The following CDH19 variants were observed in gnomAD, a reference collection of about 807,000 sequenced individuals.
CDH19 encodes cadherin-19.
CDH19 carries 67 observed loss-of-function variants against 64.2 expected under a neutral mutation model. The ratio of observed to expected loss-of-function variants is 1.04; its 90% confidence interval spans 0.86 to 1.28. CDH19 has a LOEUF of 1.28. Ranked by LOEUF, CDH19 falls within the 50% of genes most tolerant of loss-of-function variation. The probability of loss-of-function intolerance (pLI) is 0.00; values close to 1 mark genes in which losing one functional copy is unlikely to be tolerated. For synonymous variants in CDH19, 346 were observed against 319.3 expected (o/e 1.08, Z -0.89); for missense variants, 1,030 against 929.0 (o/e 1.11, Z -1.41).
chr18:66,545,535 A>C (rs540773270), intron 5 of CDH19, among the ~76,000 whole-genome samples: 55 of 152,186 alleles, frequency 3.6e-4, no homozygotes, highest in African/African-American at 1.3e-3. Context: ...ATATCTTAGG[A>C]AAGTCTATCA....
At chr18:66,562,952 T>G (rs1191928293) in intron 3 of CDH19, among the ~76,000 whole-genome samples, 2 of 152,032 alleles carry the variant, frequency 1.3e-5, no homozygotes, top group Non-Finnish European at 2.9e-5. Flanking sequence ...TTATGTAAAT[T>G]TTATTATTAA....
At chr18:66,547,680 T>TC (rs1987172648) in intron 5 of CDH19, among the ~76,000 whole-genome samples, 1 of 141,070 alleles carries the variant, frequency 7.1e-6, no homozygotes, top group South Asian at 2.3e-4. Context: ...TTTTTTTTTT[T>TC]TTTTTGAGAC....
At chr18:66,579,136 G>A (rs549571108) in intron 1 of CDH19, among the ~76,000 whole-genome samples, 1 of 151,998 alleles carries the variant, frequency 6.6e-6, no homozygotes, top group Admixed American at 6.6e-5. Context: ...AGATTATTGT[G>A]CCAATTATAC....
chr18:66,505,365 T>G, intron 11 of CDH19, 63 bp from the exon 12 acceptor site: 1 of 1,237,300 alleles, frequency 8.1e-7, no homozygotes. Context: ...CATTACAGTC[T>G]TTGCTCTCAT....
intron 1 of CDH19, among the ~76,000 whole-genome samples, chr18:66,585,523 G>T (rs929637422): frequency 2.0e-5 from 3 of 152,004 alleles, no homozygotes; most frequent in African/African-American, 7.2e-5. Flanking sequence ...GCCTCTCAAG[G>T]TCTGTGTTCT....
intron 1 of CDH19, among the ~76,000 whole-genome samples, chr18:66,598,427 T>C (rs996149883): frequency 7.2e-5 from 11 of 152,064 alleles, no homozygotes; most frequent in African/African-American, 2.7e-4. Context: ...AGGAAAGACA[T>C]GGAATCAACC....
At chr18:66,508,035 A>G (rs1985287630) in intron 11 of CDH19, among the ~76,000 whole-genome samples, 1 of 151,904 alleles carries the variant, frequency 6.6e-6, no homozygotes, top group Non-Finnish European at 1.5e-5. Context: ...AAAATGTGGT[A>G]TACAGACAGA....
At chr18:66,581,844 C>T (rs563467047) in intron 1 of CDH19, among the ~76,000 whole-genome samples, 1 of 152,010 alleles carries the variant, frequency 6.6e-6, no homozygotes, top group African/African-American at 2.4e-5. Context: ...CTAATAAACT[C>T]CCTTTCATAT....
At chr18:66,505,558 TTA>T (rs1985155148) in intron 11 of CDH19, among the ~76,000 whole-genome samples, 2 of 135,136 alleles carry the variant, frequency 1.5e-5, no homozygotes, top group African/African-American at 5.2e-5. Context: ...AATATATATA[TTA>T]ATATATATAT....
At chr18:66,576,271 ACT>A (rs1355989395) in intron 1 of CDH19, among the ~76,000 whole-genome samples, 1 of 151,446 alleles carries the variant, frequency 6.6e-6, no homozygotes, top group Non-Finnish European at 1.5e-5. Context: ...TTTTAAAAAG[ACT>A]CAACTATATG....
intron 5 of CDH19, among the ~76,000 whole-genome samples, chr18:66,548,444 C>T (rs1208715995): frequency 2.6e-5 from 4 of 151,322 alleles, no homozygotes; most frequent in Non-Finnish European, 4.4e-5. Context: ...GGAAGAAAGA[C>T]GAGATCAAAG....
intron 7 of CDH19, among the ~76,000 whole-genome samples, chr18:66,539,211 C>T (rs1411534005): frequency 6.6e-6 from 1 of 152,094 alleles, no homozygotes; most frequent in Non-Finnish European, 1.5e-5. Context: ...ATAATCAAGT[C>T]ATCTGCAAAT....
intron 1 of CDH19, among the ~76,000 whole-genome samples, chr18:66,578,912 A>T (rs75655998): frequency 6.6e-6 from 1 of 151,926 alleles, no homozygotes; most frequent in African/African-American, 2.4e-5. Flanking sequence ...TTCCTTTTGC[A>T]TCTAATTTTA....
intron 8 of CDH19, 86 bp from the exon 9 acceptor site, chr18:66,530,052 C>A: frequency 1.7e-6 from 1 of 577,464 alleles, no homozygotes. Context: ...TTAGAGGCTA[C>A]GTGGTGTATT....
intron 1 of CDH19, among the ~76,000 whole-genome samples, chr18:66,575,417 T>C (rs1158163482): frequency 6.6e-6 from 1 of 151,798 alleles, no homozygotes; most frequent in East Asian, 1.9e-4. Context: ...AATGCAAATA[T>C]GAGAAGAGCA....
chr18:66,514,856 C>T (rs538845755), intron 9 of CDH19, among the ~76,000 whole-genome samples: 3 of 151,678 alleles, frequency 2.0e-5, no homozygotes, highest in South Asian at 4.1e-4. Context: ...TCTTATTAAA[C>T]ATGCAATTGA....
chr18:66,540,897 A>G (rs1424889783), intron 7 of CDH19, among the ~76,000 whole-genome samples: 1 of 152,152 alleles, frequency 6.6e-6, no homozygotes, highest in African/African-American at 2.4e-5. Context: ...ATTTCTTATG[A>G]AGTTCTTAAT....
At chr18:66,548,111 T>A (rs1033760104) in intron 5 of CDH19, among the ~76,000 whole-genome samples, 4 of 146,810 alleles carry the variant, frequency 2.7e-5, no homozygotes, top group African/African-American at 9.9e-5. Flanking sequence ...TTATATATTA[T>A]ATAAAATATT....
intron 1 of CDH19, among the ~76,000 whole-genome samples, chr18:66,581,209 A>G (rs1268176175): frequency 6.8e-6 from 1 of 147,058 alleles, no homozygotes; most frequent in East Asian, 2.0e-4. Context: ...ATTTATTTTC[A>G]AAGTTGTAAA....
Sources: allele counts gnomAD v4.1 joint callset (sites outside exome capture counted in the v4.1 genomes callset), GRCh38; gene constraint gnomAD v4.1.1; transcripts MANE v1.5; gene names NCBI Gene and HGNC (gene_info 2026-07-23, HGNC 2026-07-21).